Variants in ANO2 observed in about 807,000 individuals in gnomAD.
The protein encoded by ANO2 is anoctamin 2.
A neutral mutation model predicts 124.2 loss-of-function variants in ANO2; 101 were observed. That is an observed-to-expected ratio of 0.81 (90% CI 0.69 to 0.96). The LOEUF (loss-of-function observed/expected upper bound fraction) is 0.96, where lower values mean the gene tolerates loss of function less well. ANO2 is among the 40% of genes least tolerant of loss of function. ANO2 has a pLI of 0.00. For missense variants in ANO2, 1,293 were observed against 1,274.5 expected (o/e 1.01, Z -0.22); for synonymous variants, 486 against 482.5 (o/e 1.01, Z -0.09).
intron 3 of ANO2, among the ~76,000 whole-genome samples, chr12:5,860,878 G>T (rs1048208657): frequency 4.6e-5 from 7 of 152,144 alleles, no homozygotes; most frequent in Non-Finnish European, 2.9e-5. Context: ...TGCCTCATAG[G>T]CTTCTGGGGG....
intron 20 of ANO2, among the ~76,000 whole-genome samples, chr12:5,594,119 A>G (rs1943541193): frequency 6.6e-6 from 1 of 152,192 alleles, no homozygotes. Context: ...GAATTCTATG[A>G]GCCAATCCAG....
chr12:5,600,617 C>T (rs1943895843), intron 19 of ANO2, among the ~76,000 whole-genome samples: 1 of 152,182 alleles, frequency 6.6e-6, no homozygotes, highest in Admixed American at 6.5e-5. Context: ...TGCTAAAATA[C>T]ACCTTAGGGT....
intron 17 of ANO2, among the ~76,000 whole-genome samples, chr12:5,613,395 G>A (rs958958012): frequency 3.3e-5 from 5 of 152,144 alleles, no homozygotes; most frequent in African/African-American, 7.2e-5. Flanking sequence ...CTAAAGTTGC[G>A]AATAGAGATT....
intron 10 of ANO2, among the ~76,000 whole-genome samples, chr12:5,774,162 A>C (rs1467749467): frequency 6.6e-6 from 1 of 152,196 alleles, no homozygotes; most frequent in Non-Finnish European, 1.5e-5. Flanking sequence ...TATGACAAAA[A>C]GTTGTTCTTG....
chr12:5,655,814 C>T (rs148858339), intron 14 of ANO2, among the ~76,000 whole-genome samples: 96 of 152,334 alleles, frequency 6.3e-4, no homozygotes, highest in African/African-American at 2.2e-3. Flanking sequence ...CTTCCTTGTA[C>T]TCCACAGCCT....
At chr12:5,756,018 T>C (rs993729495) in intron 10 of ANO2, among the ~76,000 whole-genome samples, 2 of 152,152 alleles carry the variant, frequency 1.3e-5, no homozygotes, top group African/African-American at 4.8e-5. Flanking sequence ...TGGTGTCCCA[T>C]AAGATCTTAG....
At chr12:5,774,770 G>T (rs1376522767) in intron 10 of ANO2, among the ~76,000 whole-genome samples, 3 of 152,064 alleles carry the variant, frequency 2.0e-5, no homozygotes, top group Non-Finnish European at 4.4e-5. Flanking sequence ...CCCAGGTCCT[G>T]CCCCCAGGTT....
chr12:5,565,331 A>G (rs534805896), intron 24 of ANO2, among the ~76,000 whole-genome samples: 5 of 152,172 alleles, frequency 3.3e-5, no homozygotes, highest in East Asian at 1.9e-4. Flanking sequence ...GTAACCTTAC[A>G]CTGTGTTTTA....
intron 10 of ANO2, among the ~76,000 whole-genome samples, chr12:5,779,357 T>C (rs892681797): frequency 2.6e-5 from 4 of 152,208 alleles, no homozygotes; most frequent in African/African-American, 9.6e-5. Flanking sequence ...TTCTCCATTC[T>C]CAATTTAAAT....
chr12:5,924,414 C>T lies in ANO2; in HGVS notation c.23-1610G>A, dbSNP rs74885543. On this transcript the variant is annotated intron_variant, in intron 1 of 24. Coordinates refer to ENST00000682330, the MANE Select transcript of ANO2 (RefSeq NM_001364791.2). ...GAGACCAGAAAGACTAAGTCAAAGT[C>T]GGCTTCTGGGGTAACTGAGCCAGAG... Among the ~76,000 whole-genome samples, 8 of 152,270 alleles carry T rather than the reference C, an allele frequency of 5.3e-5. No homozygotes were observed. The East Asian group carries it at 1.5e-3, about 29-fold the overall frequency.
intron 20 of ANO2, among the ~76,000 whole-genome samples, chr12:5,596,460 G>C (rs73040464): frequency 0.011 from 1,694 of 152,278 alleles, 12 homozygotes; most frequent in Non-Finnish European, 0.017. Flanking sequence ...TTGGATTTGG[G>C]AGACAGGTTC....
At chr12:5,739,165 G>A (rs1950991960) in intron 13 of ANO2, 152 bp downstream of exon 13, 1 of 770,266 alleles carries the variant, frequency 1.3e-6, no homozygotes, top group Admixed American at 2.0e-5. Context: ...CATGGCCCAA[G>A]TCCATGGAGC....
Position 5,765,525 on chromosome 12 carries a change from C to T in ANO2, c.1056-14555G>A, listed in dbSNP as rs138044657. Reference sequence around the variant, plus strand: ...GTGGTATAACAGAGATCACAGAACACAAGCTCTGGTGTGGGAAAACCTGGG... The same window carrying T: ...GTGGTATAACAGAGATCACAGAACATAAGCTCTGGTGTGGGAAAACCTGGG... On this transcript the variant is annotated intron_variant, in intron 10 of 24. Coordinates refer to ENST00000682330, the MANE Select transcript of ANO2 (RefSeq NM_001364791.2). Among the ~76,000 whole-genome samples, 130 of 152,318 alleles carry T rather than the reference C, an allele frequency of 8.5e-4. 3 individuals are homozygous for T. In the Middle Eastern group the frequency reaches 0.014, roughly 16 times the overall value.
chr12:5,922,869 T>C, intron 1 of ANO2, 65 bp from the exon 2 acceptor site: 1 of 1,370,118 alleles, frequency 7.3e-7, no homozygotes, highest in Non-Finnish European at 9.6e-7. Flanking sequence ...GACACTGAGG[T>C]ACTGAGTGTA....
intron 10 of ANO2, among the ~76,000 whole-genome samples, chr12:5,781,180 A>G (rs1041655147): frequency 2.0e-5 from 3 of 152,250 alleles, no homozygotes; most frequent in African/African-American, 7.2e-5. Context: ...ATTAGCATGC[A>G]AAGTGTCAAA....
chr12:5,728,841 T>A (rs1360997223), intron 14 of ANO2, among the ~76,000 whole-genome samples: 1 of 152,204 alleles, frequency 6.6e-6, no homozygotes, highest in African/African-American at 2.4e-5. Flanking sequence ...CTCTTACATT[T>A]ATGGTCAATT....
At chr12:5,807,097 G>A (rs943819822) in intron 8 of ANO2, among the ~76,000 whole-genome samples, 4 of 152,128 alleles carry the variant, frequency 2.6e-5, no homozygotes, top group African/African-American at 9.7e-5. Context: ...TGTCATCTGG[G>A]GAAATCATTG....
intron 14 of ANO2, among the ~76,000 whole-genome samples, chr12:5,722,227 C>A (rs1488761424): frequency 6.6e-6 from 1 of 152,112 alleles, no homozygotes; most frequent in Non-Finnish European, 1.5e-5. Flanking sequence ...AAAGTACTGG[C>A]CGGGCACGGG....
chr12:5,731,150 A>G (rs1054981608), intron 14 of ANO2, among the ~76,000 whole-genome samples: 1 of 152,228 alleles, frequency 6.6e-6, no homozygotes, highest in Admixed American at 6.5e-5. Flanking sequence ...GTATATTGCT[A>G]TGGGGTGGAG....
Sources: gnomAD v4.1 joint callset for allele counts (sites outside exome capture counted in the v4.1 genomes callset) on GRCh38, gnomAD v4.1.1 for gene constraint, MANE v1.5 for transcripts, NCBI Gene and HGNC (gene_info 2026-07-23, HGNC 2026-07-21) for gene names.